The following AR variants were observed in gnomAD, a reference collection of about 807,000 sequenced individuals.
The protein encoded by AR is androgen receptor, also known as dihydrotestosterone receptor.
A neutral mutation model predicts 53.9 loss-of-function variants in AR; 8 were observed. The observed-to-expected ratio is 0.15, with a 90% CI of 0.09 to 0.27. The LOEUF (loss-of-function observed/expected upper bound fraction) is 0.27. Among genes scored for constraint, AR ranks in the 10% least tolerant of loss-of-function variants. The pLI is 1.00. For missense variants in AR, 639 were observed against 742.5 expected, an observed-to-expected ratio of 0.86 and a Z score of 1.62; for synonymous variants, 359 against 316.4, an observed-to-expected ratio of 1.13 and a Z score of -1.43.
chrX:67,716,258 A>G (rs1466289063), intron 4 of AR, among the ~76,000 whole-genome samples: 1 of 112,021 alleles, frequency 8.9e-6, no homozygotes, highest in Non-Finnish European at 1.9e-5. Flanking sequence ...ATAGACTTCA[A>G]TGCTGTGTAA....
At chrX:67,665,107 C>T (rs969538386) in intron 2 of AR, among the ~76,000 whole-genome samples, 12 of 112,848 alleles carry the variant, frequency 1.1e-4, no homozygotes, top group South Asian at 3.7e-4. Flanking sequence ...ATGCTCGGTG[C>T]GCTGCACCCA....
chrX:67,648,973 C>A (rs948579642), intron 2 of AR, among the ~76,000 whole-genome samples: 14 of 111,449 alleles, frequency 1.3e-4, no homozygotes, highest in African/African-American at 4.2e-4. Context: ...GTGCTGCAAC[C>A]AACAACCCGT....
At chrX:67,696,795 C>G (rs770125281) in intron 3 of AR, among the ~76,000 whole-genome samples, 74 of 111,509 alleles carry the variant, frequency 6.6e-4, no homozygotes, top group African/African-American at 2.3e-3. Flanking sequence ...TCTTCCTCAC[C>G]TATCTCCATT....
chrX:67,570,660 G>A (rs945087891), intron 1 of AR, among the ~76,000 whole-genome samples: 1 of 110,610 alleles, frequency 9.0e-6, no homozygotes, highest in Non-Finnish European at 1.9e-5. Flanking sequence ...TATTTGTACT[G>A]CAAAGTCTTA....
intron 1 of AR, among the ~76,000 whole-genome samples, chrX:67,564,099 T>C (rs1260152702): frequency 9.0e-6 from 1 of 111,345 alleles, no homozygotes; most frequent in African/African-American, 3.3e-5. Context: ...CTGAATTTGC[T>C]TGGGAACCTA....
intron 1 of AR, among the ~76,000 whole-genome samples, chrX:67,553,746 A>C (rs1370206662): frequency 8.9e-6 from 1 of 112,500 alleles, no homozygotes; most frequent in Non-Finnish European, 1.9e-5. Context: ...TTGTTTTCAG[A>C]TTATAAGTTT....
chrX:67,639,225 T>A (rs1925616435), intron 1 of AR, among the ~76,000 whole-genome samples: 1 of 112,206 alleles, frequency 8.9e-6, no homozygotes, highest in South Asian at 3.7e-4. Flanking sequence ...TGTAGCCTTG[T>A]AGTATAGTTT....
chrX:67,688,654 T>G (rs967825505), intron 3 of AR, among the ~76,000 whole-genome samples: 1 of 111,766 alleles, frequency 8.9e-6, no homozygotes, highest in Non-Finnish European at 1.9e-5. Flanking sequence ...TTTTAGTAAT[T>G]AAGGGAATCA....
rs143141976 is a variant in AR, at chrX:67,626,003, A to T, written c.1617-17253A>T. ...ATGAGATATTTTGATACAGGCATAC[A>T]ATGTTCAATGATCATATTAGGATAA... is the stretch of plus-strand genomic sequence containing the variant. On this transcript the variant is annotated intron_variant, in intron 1 of 7. Coordinates refer to ENST00000374690, the MANE Select transcript of AR (RefSeq NM_000044.6). Among the ~76,000 whole-genome samples, 1,068 of 111,504 alleles carry T rather than the reference A, an allele frequency of 9.6e-3. 7 individuals are homozygous for T. Among genetic ancestry groups the T allele is most frequent in the Middle Eastern group, 0.037 (8 of 216 alleles).
At chrX:67,634,691 G>T (rs771828697) in intron 1 of AR, among the ~76,000 whole-genome samples, 6 of 111,469 alleles carry the variant, frequency 5.4e-5, no homozygotes, top group African/African-American at 2.0e-4. Context: ...AGGGAATAAA[G>T]ATGCTACCTA....
chrX:67,613,944 A>T (rs1422060713), intron 1 of AR, among the ~76,000 whole-genome samples: 1 of 112,422 alleles, frequency 8.9e-6, no homozygotes, highest in African/African-American at 3.2e-5. Context: ...GTGGTTTCCA[A>T]GCCACATGCA....
chrX:67,677,966 C>T (rs1021898035), intron 2 of AR, among the ~76,000 whole-genome samples: 1 of 111,619 alleles, frequency 9.0e-6, no homozygotes, highest in African/African-American at 3.3e-5. Flanking sequence ...GAGAAAAGCA[C>T]TGGACTGCTG....
chrX:67,682,210 G>A (rs752380933), intron 2 of AR, among the ~76,000 whole-genome samples: 1 of 111,411 alleles, frequency 9.0e-6, no homozygotes, highest in South Asian at 3.8e-4. Context: ...TCATATTAAT[G>A]AGCCTCATTT....
intron 1 of AR, among the ~76,000 whole-genome samples, chrX:67,583,559 G>T (rs182361260): frequency 1.8e-5 from 2 of 112,024 alleles, no homozygotes; most frequent in East Asian, 5.7e-4. Context: ...TCCACTGTCA[G>T]TCAAGAGGTT....
intron 2 of AR, among the ~76,000 whole-genome samples, chrX:67,656,599 A>G (rs920586770): frequency 2.7e-5 from 3 of 112,021 alleles, no homozygotes; most frequent in Admixed American, 1.9e-4. Context: ...AATCCTCACA[A>G]CAATGCTATA....
chrX:67,721,446 C>T (rs185926787), intron 5 of AR, among the ~76,000 whole-genome samples: 18 of 111,902 alleles, frequency 1.6e-4, no homozygotes, highest in Non-Finnish European at 3.0e-4. Flanking sequence ...GGCAGGTTCT[C>T]ATTCTGGCTG....
rs183799555 is a variant in AR, at chrX:67,625,969, A to G, written c.1617-17287A>G. Among the ~76,000 whole-genome samples the G allele has an allele frequency of 7.4e-4, 82 of 111,316 alleles. 1 individual carries two copies. The highest frequency in any genetic ancestry group is 2.6e-3 in the African/African-American group (81 of 30,706). ...GGGTACAAAGTAGGTGTGTATATTT[A>G]TGGGGTATATGAGATATTTTGATAC... On this transcript the variant is annotated intron_variant, in intron 1 of 7. Transcript: ENST00000374690.
At position 67,544,211 on chromosome X, in the gene AR, G is replaced by T. The variant is rs961105934; in HGVS notation, c.-936G>T. 29 of 170,685 alleles carry T rather than the reference G, an allele frequency of 1.7e-4. No homozygotes were observed. Among genetic ancestry groups the T allele is most frequent in the Admixed American group, 8.7e-4 (11 of 12,711 alleles). The allele number at this position is 170,685 out of a possible 1,213,427, so 14.1% of individuals were successfully genotyped here. On this transcript the variant is annotated 5_prime_UTR_variant, in exon 1 of 8. Coordinates refer to ENST00000374690, the MANE Select transcript of AR (RefSeq NM_000044.6). ...AGCGACAGCCAACGCCTCTTGCAGC[G>T]CGGCGGCTTCGAAGCCGCCGCCCGG...
chrX:67,721,043 TC>T (rs2076133641), intron 5 of AR, among the ~76,000 whole-genome samples: 1 of 111,527 alleles, frequency 9.0e-6, no homozygotes, highest in Non-Finnish European at 1.9e-5. Context: ...ATTGGCCACT[TC>T]CCCATATAAT....
Sources: gnomAD v4.1 joint callset for allele counts (sites outside exome capture counted in the v4.1 genomes callset) on GRCh38, gnomAD v4.1.1 for gene constraint, MANE v1.5 for transcripts, NCBI Gene and HGNC (gene_info 2026-07-23, HGNC 2026-07-21) for gene names.